Variants in NTRK2 observed in about 807,000 individuals in gnomAD.
NTRK2 encodes BDNF/NT-3 growth factors receptor.
A neutral mutation model predicts 94.5 loss-of-function variants in NTRK2; 13 were observed. The ratio of observed to expected loss-of-function variants is 0.14; its 90% CI spans 0.09 to 0.22. The LOEUF (loss-of-function observed/expected upper bound fraction) is 0.22, where lower values mean the gene tolerates loss of function less well. NTRK2 is among the 10% of genes least tolerant of loss of function. The pLI is 1.00. For synonymous variants in NTRK2, 372 were observed against 407.4 expected, an observed-to-expected ratio of 0.91 and a Z score of 1.05; for missense variants, 639 against 1,071.2, an observed-to-expected ratio of 0.60 and a Z score of 5.63.
chr9:84,711,081 C>G (rs759129623), intron 6 of NTRK2, among the ~76,000 whole-genome samples: 10 of 152,304 alleles, frequency 6.6e-5, no homozygotes, highest in South Asian at 4.2e-4. Flanking sequence ...ATCCATCCAT[C>G]CATTTATCCA....
At chr9:84,940,482 C>T (rs1444812754) in intron 15 of NTRK2, among the ~76,000 whole-genome samples, 1 of 152,170 alleles carries the variant, frequency 6.6e-6, no homozygotes, top group African/African-American at 2.4e-5. Context: ...CCCACACTGC[C>T]TCCATGACTC....
intron 5 of NTRK2, 71 bp downstream of exon 5, chr9:84,707,983 T>C (rs3948236): frequency 1.7e-6 from 2 of 1,196,372 alleles, no homozygotes; most frequent in African/African-American, 1.5e-5. Flanking sequence ...ATTTTTCTTT[T>C]AATGAGTGAT....
chr9:84,678,424 CA>C (rs1179374745), intron 2 of NTRK2, among the ~76,000 whole-genome samples: 1 of 152,208 alleles, frequency 6.6e-6, no homozygotes, highest in Non-Finnish European at 1.5e-5. Context: ...TCAACCTCTG[CA>C]ATATAGTGCA....
chr9:84,810,904 C>T, intron 12 of NTRK2: 1 of 1,210,162 alleles, frequency 8.3e-7, no homozygotes, highest in Non-Finnish European at 1.0e-6. Context: ...TACTTCTCTT[C>T]TGAAAAGTGT....
chr9:84,871,754 A>C, intron 14 of NTRK2: 1 of 1,592,368 alleles, frequency 6.3e-7, no homozygotes, highest in African/African-American at 1.3e-5. Context: ...CCTCCCGAGC[A>C]CTTTCCAATA....
chr9:84,785,839 T>C (rs1242153700), intron 12 of NTRK2, among the ~76,000 whole-genome samples: 1 of 152,190 alleles, frequency 6.6e-6, no homozygotes, highest in Non-Finnish European at 1.5e-5. Context: ...TCTTAAAACA[T>C]AAATTTTGAG....
intron 12 of NTRK2, among the ~76,000 whole-genome samples, chr9:84,759,673 C>T (rs1300337642): frequency 2.0e-5 from 3 of 152,234 alleles, no homozygotes; most frequent in Non-Finnish European, 4.4e-5. Context: ...GACCTCCTCA[C>T]ATAGCTTATG....
chr9:84,797,561 C>CTATATACTA (rs2069507182), intron 12 of NTRK2, among the ~76,000 whole-genome samples: 5 of 54,880 alleles, frequency 9.1e-5, no homozygotes, highest in African/African-American at 4.6e-4. Context: ...ATTATATATA[C>CTATATACTA]TATATATTAT....
chr9:84,867,227 A>G lies in NTRK2; in HGVS notation c.1445-16A>G. On this transcript the variant is annotated splice_polypyrimidine_tract_variant and intron_variant, in intron 13 of 18. Transcript: ENST00000277120. Reference sequence around the variant, plus strand: ...CCATTGATTACAGGAGAATATATATATTTTTCCATCTCCAGGCCCAGCCTC... The same window carrying G: ...CCATTGATTACAGGAGAATATATATGTTTTTCCATCTCCAGGCCCAGCCTC... 2 of 1,612,800 alleles carry G rather than the reference A, an allele frequency of 1.2e-6. No homozygotes were observed. The highest frequency in any genetic ancestry group is 1.7e-6 in the Non-Finnish European group (2 of 1,179,092).
chr9:84,688,281 A>G (rs1439971315), intron 2 of NTRK2, among the ~76,000 whole-genome samples: 1 of 152,206 alleles, frequency 6.6e-6, no homozygotes, highest in East Asian at 1.9e-4. Flanking sequence ...GGTGCCATGG[A>G]CCAGGCTGAT....
chr9:84,848,360 A>G (rs2074575858), intron 12 of NTRK2, among the ~76,000 whole-genome samples: 1 of 152,180 alleles, frequency 6.6e-6, no homozygotes, highest in Non-Finnish European at 1.5e-5. Flanking sequence ...ATCCACTAGG[A>G]GTCCAGTTGT....
At chr9:84,847,023 A>G (rs996891467) in intron 12 of NTRK2, among the ~76,000 whole-genome samples, 2 of 152,216 alleles carry the variant, frequency 1.3e-5, no homozygotes, top group Admixed American at 1.3e-4. Context: ...TCAAAACAAC[A>G]ACAAAAGAGC....
intron 9 of NTRK2, among the ~76,000 whole-genome samples, chr9:84,734,798 T>G (rs542604750): frequency 1.3e-5 from 2 of 152,306 alleles, no homozygotes; most frequent in South Asian, 2.1e-4. Context: ...ACCTCTTTCC[T>G]TTATAAATTA....
chr9:84,799,655 G>A (rs1432553067), intron 12 of NTRK2, among the ~76,000 whole-genome samples: 3 of 151,816 alleles, frequency 2.0e-5, no homozygotes, highest in African/African-American at 7.3e-5. Context: ...AATTTTTGAT[G>A]TTCAGCATGG....
At chr9:84,949,820 A>ATG (rs571935011) in intron 16 of NTRK2, among the ~76,000 whole-genome samples, 112 of 152,286 alleles carry the variant, frequency 7.4e-4, no homozygotes, top group African/African-American at 2.6e-3. Flanking sequence ...CCCTCAGATG[A>ATG]TGGGTACAGG....
intron 17 of NTRK2, among the ~76,000 whole-genome samples, chr9:85,012,851 T>G (rs1831778892): frequency 6.6e-6 from 1 of 152,204 alleles, no homozygotes. Context: ...TGCCTTATTT[T>G]GGGAGAGTAG....
At chr9:84,992,824 G>A (rs1376914003) in intron 17 of NTRK2, among the ~76,000 whole-genome samples, 1 of 151,964 alleles carries the variant, frequency 6.6e-6, no homozygotes, top group Non-Finnish European at 1.5e-5. Flanking sequence ...GAGGGAAGCT[G>A]GGTGATGAGA....
At chr9:84,932,328 G>A (rs1419385225) in intron 14 of NTRK2, among the ~76,000 whole-genome samples, 3 of 152,252 alleles carry the variant, frequency 2.0e-5, no homozygotes, top group Admixed American at 6.5e-5. Context: ...AATTCGTACT[G>A]TATAACTCCA....
At chr9:84,894,183 A>AGGGGG (rs1399754939) in intron 14 of NTRK2, among the ~76,000 whole-genome samples, 9 of 18,426 alleles carry the variant, frequency 4.9e-4, no homozygotes, top group East Asian at 2.0e-3. Flanking sequence ...TATTTTTATA[A>AGGGGG]CACATTGAAT....
Sources: gnomAD v4.1 joint callset for allele counts (sites outside exome capture counted in the v4.1 genomes callset) on GRCh38, gnomAD v4.1.1 for gene constraint, MANE v1.5 for transcripts, NCBI Gene and HGNC (gene_info 2026-07-23, HGNC 2026-07-21) for gene names.